ATP10B: variants seen among roughly 807,000 people sequenced by gnomAD.
ATP10B encodes phospholipid-transporting ATPase VB.
In ATP10B, 122 loss-of-function variants were observed where a neutral mutation model predicts 141.2. That is an observed-to-expected ratio of 0.86 (90% CI 0.75 to 1.00). ATP10B has a LOEUF of 1.00. ATP10B is among the 50% of genes least tolerant of loss of function. The pLI is 0.00. For synonymous variants in ATP10B, 685 were observed against 692.0 expected, an observed-to-expected ratio of 0.99 and a Z score of 0.16; for missense variants, 1,876 against 1,825.3, an observed-to-expected ratio of 1.03 and a Z score of -0.51.
At position 160,640,500 on chromosome 5, in the gene ATP10B, T is replaced by C. The variant is rs1478694099; in HGVS notation, c.961A>G (p.Ile321Val). The change falls in exon 10 of 26, where the codon ATT becomes GTT. Residue 321 changes from isoleucine to valine, a missense_variant. Transcript: ENST00000327245. ...AGGCACATGAGGATGAGGATCCCAA[T>C]GCAGAAGAAGATGTCTATATTCATG... is the stretch of plus-strand genomic sequence containing the variant. ...RRMNIDIFFC[I>V]GILILMCLIG... The C allele has an allele frequency of 8.1e-6, 13 of 1,614,010 alleles. No homozygotes were observed. The highest frequency in any genetic ancestry group is 2.2e-5 in the East Asian group (1 of 44,892).
intron 2 of ATP10B, among the ~76,000 whole-genome samples, chr5:160,775,468 A>G (rs1192223216): frequency 6.6e-6 from 1 of 152,166 alleles, no homozygotes; most frequent in Non-Finnish European, 1.5e-5. Context: ...GGGCACAGAA[A>G]AATAAGATGC....
chr5:160,870,593 G>C, the ATP10B span, among the ~76,000 whole-genome samples: 1 of 151,838 alleles, frequency 6.6e-6, no homozygotes, highest in Non-Finnish European at 1.5e-5. Context: ...TAAAAAAGAC[G>C]TAACATACAA....
At chr5:160,600,683 C>G (rs1450797916) in intron 21 of ATP10B, among the ~76,000 whole-genome samples, 1 of 152,204 alleles carries the variant, frequency 6.6e-6, no homozygotes, top group African/African-American at 2.4e-5. Context: ...TCACTTCTGC[C>G]TAACTGGAAT....
chr5:160,845,821 T>C (rs1477950627), intron 1 of ATP10B, among the ~76,000 whole-genome samples: 1 of 152,098 alleles, frequency 6.6e-6, no homozygotes, highest in Admixed American at 6.6e-5. Flanking sequence ...TCAAATATGA[T>C]GACACCAAAG....
chr5:160,687,913 T>C lies in ATP10B; in HGVS notation c.162A>G (p.Ile54Met), dbSNP rs375685994. The change falls in exon 5 of 26, where the codon ATA (isoleucine) becomes ATG (methionine). Residue 54 changes from isoleucine to methionine, a missense_variant. Coordinates refer to ENST00000327245, the MANE Select transcript of ATP10B (RefSeq NM_025153.3). ...AGACCTCTTCCCAATCTTGATGGAA[T>C]ATGCTGTTGTTGGGGAACACGACCC... ...QQRVVFPNNS[I>M]FHQDWEEVSR... is the part of the protein sequence containing the mutation. 6.2e-7 allele frequency: 1 copy of C among 1,614,154 alleles called. No homozygotes were observed. Among genetic ancestry groups the C allele is most frequent in the Non-Finnish European group, 8.5e-7 (1 of 1,180,012 alleles).
chr5:160,673,151 G>A (rs897619646), intron 6 of ATP10B, among the ~76,000 whole-genome samples: 6 of 152,170 alleles, frequency 3.9e-5, no homozygotes, highest in Non-Finnish European at 8.8e-5. Context: ...GGATTCTGGG[G>A]GTGATGCGTC....
intron 13 of ATP10B, among the ~76,000 whole-genome samples, chr5:160,629,432 CT>C (rs1461098239): frequency 6.6e-6 from 1 of 152,182 alleles, no homozygotes; most frequent in African/African-American, 2.4e-5. Context: ...GGGTGATGGC[CT>C]GCTTATGGAG....
chr5:160,695,039 C>A (rs1167552358), intron 3 of ATP10B, among the ~76,000 whole-genome samples: 1 of 152,134 alleles, frequency 6.6e-6, no homozygotes, highest in Non-Finnish European at 1.5e-5. Context: ...AAACACAAAA[C>A]AAAAATGATT....
chr5:160,599,509 T>C (rs1756956491), intron 21 of ATP10B, among the ~76,000 whole-genome samples: 1 of 152,146 alleles, frequency 6.6e-6, no homozygotes, highest in Non-Finnish European at 1.5e-5. Flanking sequence ...CTGGGAATAG[T>C]AGTACTTAGA....
the ATP10B span, among the ~76,000 whole-genome samples, chr5:160,897,223 T>C: frequency 6.6e-6 from 1 of 152,186 alleles, no homozygotes; most frequent in Non-Finnish European, 1.5e-5. Flanking sequence ...AAATAAAGCA[T>C]ATTCAAATAG....
the ATP10B span, among the ~76,000 whole-genome samples, chr5:160,873,879 G>T: frequency 1.2e-3 from 187 of 152,344 alleles, no homozygotes; most frequent in African/African-American, 4.3e-3. Flanking sequence ...GGCTCGGAGG[G>T]TCCTACACCC....
chr5:160,849,596 A>G (rs951001578), intron 1 of ATP10B, among the ~76,000 whole-genome samples: 1 of 135,874 alleles, frequency 7.4e-6, no homozygotes, highest in African/African-American at 2.6e-5. Context: ...CTGTGGGCCA[A>G]TTATTGAATT....
At chr5:160,717,370 C>T (rs921621682) in intron 2 of ATP10B, among the ~76,000 whole-genome samples, 3 of 152,106 alleles carry the variant, frequency 2.0e-5, no homozygotes, top group East Asian at 1.9e-4. Flanking sequence ...CTTTGGGGAG[C>T]GTATGTATAT....
At chr5:160,858,801 A>G in the ATP10B span, among the ~76,000 whole-genome samples, 1 of 151,864 alleles carries the variant, frequency 6.6e-6, no homozygotes, top group Admixed American at 6.6e-5. Flanking sequence ...ATTACAATCT[A>G]TAGTTTTATC....
In ATP10B at chr5:160,670,552, G is replaced by T. The variant is rs1241446272; in HGVS notation, c.586C>A (p.Pro196Thr). The T allele has an allele frequency of 1.9e-6, 3 of 1,613,866 alleles. No homozygotes were observed. Among genetic ancestry groups the T allele is most frequent in the Non-Finnish European group, 1.7e-6 (2 of 1,179,938 alleles). ...ADILLLFSSD[P>T]NGICHLETAS... The stretch of plus-strand genomic sequence containing the variant: ...GTTTCCAGATGGCATATCCCATTGG[G>T]GTCAGAGGAAAAAAGGAGGAGTATG... The change falls in exon 7 of 26, where the codon CCC (proline) becomes ACC (threonine). Residue 196 changes from proline (P) to threonine (T), a missense_variant. Coordinates refer to ENST00000327245, the MANE Select transcript of ATP10B (RefSeq NM_025153.3).
intron 7 of ATP10B, among the ~76,000 whole-genome samples, chr5:160,664,573 T>C (rs1020646320): frequency 5.9e-5 from 9 of 152,228 alleles, no homozygotes; most frequent in Non-Finnish European, 1.2e-4. Context: ...TTTCAAACTT[T>C]CATGTACACA....
chr5:160,815,036 A>G (rs1220603315), intron 1 of ATP10B, among the ~76,000 whole-genome samples: 2 of 152,218 alleles, frequency 1.3e-5, no homozygotes, highest in African/African-American at 4.8e-5. Context: ...AAGACATGAC[A>G]AATTGTAAAG....
At chr5:160,730,533 G>T (rs1378022101) in intron 2 of ATP10B, among the ~76,000 whole-genome samples, 1 of 151,928 alleles carries the variant, frequency 6.6e-6, no homozygotes, top group African/African-American at 2.4e-5. Context: ...TATGCTTAGG[G>T]CTGAATGAGA....
chr5:160,606,636 C>A, intron 19 of ATP10B, 129 bp downstream of exon 19: 1 of 903,268 alleles, frequency 1.1e-6, no homozygotes. Context: ...ATTTTGAACT[C>A]TCTCCCTCTA....
Sources: allele counts gnomAD v4.1 joint callset (sites outside exome capture counted in the v4.1 genomes callset), GRCh38; gene constraint gnomAD v4.1.1; transcripts MANE v1.5; gene names NCBI Gene and HGNC (gene_info 2026-07-23, HGNC 2026-07-21).